Variants in PRSS41 observed in about 807,000 individuals in gnomAD.
PRSS41 encodes serine protease 41, also known as protease, serine 41.
Under a neutral mutation model 28.8 loss-of-function variants are expected in PRSS41, and 37 were observed. The observed-to-expected ratio is 1.29, with a 90% CI of 0.99 to 1.69. The LOEUF (loss-of-function observed/expected upper bound fraction) is 1.69, where lower values mean the gene tolerates loss of function less well. PRSS41 is among the 40% of genes most tolerant of loss of function. The pLI is 0.00. For missense variants in PRSS41, 431 were observed against 400.7 expected, an observed-to-expected ratio of 1.08 and a Z score of -0.65; for synonymous variants, 195 against 163.1, an observed-to-expected ratio of 1.20 and a Z score of -1.49.
chr16:2,804,318 C>T (rs1269402301), intron 4 of PRSS41, 71 bp from the exon 5 acceptor site: 9 of 1,513,860 alleles, frequency 5.9e-6, no homozygotes, highest in African/African-American at 5.5e-5. Context: ...AACACATGCC[C>T]TTTCTCCTCT....
At chr16:2,803,955 C>T (rs888040970) in intron 4 of PRSS41, among the ~76,000 whole-genome samples, 2 of 151,958 alleles carry the variant, frequency 1.3e-5, no homozygotes, top group East Asian at 3.8e-4. Context: ...TTGTGTTTAT[C>T]CTGTGGAATT....
chr16:2,799,506 T>G, exon 4 of PRSS41: 1 of 1,551,956 alleles, frequency 6.4e-7, no homozygotes, highest in Non-Finnish European at 8.7e-7. Flanking sequence ...GTCTTCCACC[T>G]TCAACTTCGT....
At position 2,804,397 on chromosome 16, in the gene PRSS41, C is replaced by T. The variant is rs553088527; in HGVS notation, c.550C>T (p.Pro184Ser). 6 of 1,551,502 alleles carry T rather than the reference C, an allele frequency of 3.9e-6. No homozygotes were observed. The East Asian group carries it at 1.5e-4, about 38-fold the overall frequency. ...TTCTGTCCTATCTCCAGCACCTCTG[C>T]CACCTCCTTACAACCTCCGGGAAGC... Residue 184 changes from proline (P) to serine (S), a missense_variant, in exon 5 of 6, where the codon CCA (proline) becomes TCA (serine). Physicochemically the swap from Pro to Ser is moderately conservative, Grantham distance 74. Transcript: ENST00000399677.
chr16:2,803,437 C>T (rs913324956), intron 4 of PRSS41, among the ~76,000 whole-genome samples: 2 of 152,102 alleles, frequency 1.3e-5, no homozygotes, highest in Non-Finnish European at 2.9e-5. Flanking sequence ...TAAAAAAAAT[C>T]TCTGTTCCTA....
Position 2,798,943 on chromosome 16 carries a change from C to T in PRSS41, c.92-16C>T, listed in dbSNP as rs142102839. On this transcript the variant is annotated splice_polypyrimidine_tract_variant and intron_variant, in intron 2 of 5. Coordinates refer to ENST00000399677, the Ensembl canonical transcript of PRSS41. The stretch of plus-strand genomic sequence containing the variant: ...CCCCACCCGGCAGCTCAGCCGCGTC[C>T]GTCTGTCCATCCCAGAGGCCTGCGG... The T allele has an allele frequency of 0.021, 31,919 of 1,529,740 alleles. 395 individuals are homozygous for T. The highest frequency in any genetic ancestry group is 0.057 in the Middle Eastern group (247 of 4,336). 94.8% of individuals were successfully genotyped at this position (1,529,740 alleles called of 1,614,324 possible). A position where few individuals can be genotyped will look rare whatever the true frequency, so the allele number is the denominator to read the frequency against.
chr16:2,805,275 G>A (rs769173098), exon 6 of PRSS41: 20 of 648,382 alleles, frequency 3.1e-5, no homozygotes, highest in Non-Finnish European at 3.7e-5. Flanking sequence ...CTTTTGTCTC[G>A]TTTGCTAATA....
chr16:2,804,550 A>G lies in PRSS41; in HGVS notation c.699+4A>G. The G allele has an allele frequency of 6.5e-7, 1 of 1,550,312 alleles. No homozygotes were observed. Reference sequence around the variant, plus strand: ...TGGCAGTGTAGACACCTGCAAAGTGAGTGCCTCTACCCCACCAGGGAATCC... The same window carrying G: ...TGGCAGTGTAGACACCTGCAAAGTGGGTGCCTCTACCCCACCAGGGAATCC... On this transcript the variant is annotated splice_donor_region_variant and intron_variant, in intron 5 of 5. Coordinates refer to ENST00000399677, the Ensembl canonical transcript of PRSS41.
At chr16:2,802,723 C>T (rs917634722) in intron 4 of PRSS41, among the ~76,000 whole-genome samples, 2 of 152,254 alleles carry the variant, frequency 1.3e-5, no homozygotes, top group African/African-American at 4.8e-5. Flanking sequence ...CCACCAAAAC[C>T]AGTCAGGCAT....
chr16:2,800,190 T>C (rs2068976994), intron 4 of PRSS41, among the ~76,000 whole-genome samples: 1 of 152,186 alleles, frequency 6.6e-6, no homozygotes, highest in African/African-American at 2.4e-5. Context: ...AACACACTGG[T>C]AAGTACTTAT....
Position 2,799,282 on chromosome 16 carries a change from C to T in PRSS41, c.258-4C>T, listed in dbSNP as rs1555468282. The T allele has an allele frequency of 1.3e-6, 2 of 1,551,122 alleles. No homozygotes were observed. Among genetic ancestry groups the T allele is most frequent in the Non-Finnish European group, 1.7e-6 (2 of 1,146,906 alleles). ...GCTCCCCGCCCTCTCTCCTTTTCTG[C>T]TAGGCACTACTATCCCTCCGAGTGG... On this transcript the variant is annotated splice_region_variant and splice_polypyrimidine_tract_variant and intron_variant, in intron 3 of 5. Transcript: ENST00000399677.
chr16:2,803,816 G>A (rs1368660025), intron 4 of PRSS41, among the ~76,000 whole-genome samples: 1 of 152,074 alleles, frequency 6.6e-6, no homozygotes. Flanking sequence ...TAAAATTCTT[G>A]GTTGACTGTT....
chr16:2,801,835 T>A (rs1171710541), intron 4 of PRSS41, among the ~76,000 whole-genome samples: 1 of 148,812 alleles, frequency 6.7e-6, no homozygotes, highest in African/African-American at 2.5e-5. Flanking sequence ...CATCATGGCC[T>A]GTTCTCAATG....
chr16:2,799,515 G>T, exon 4 of PRSS41: 3 of 1,551,838 alleles, frequency 1.9e-6, no homozygotes, highest in Non-Finnish European at 2.6e-6. Context: ...CTTCAACTTC[G>T]TGCACCGGCC....
chr16:2,799,171 A>G (rs1472245798), intron 3 of PRSS41, 47 bp downstream of exon 3: 10 of 1,506,076 alleles, frequency 6.6e-6, no homozygotes, highest in Non-Finnish European at 8.9e-6. Flanking sequence ...AATGGCCTCC[A>G]GGATGAGCAA....
exon 3 of PRSS41, chr16:2,798,994 G>C (rs1374896781): frequency 6.5e-7 from 1 of 1,532,478 alleles, no homozygotes; most frequent in Non-Finnish European, 8.7e-7. Flanking sequence ...CGCGCTGGTG[G>C]CGGGCGGAGT....
chr16:2,800,505 T>A (rs1227868162), intron 4 of PRSS41, among the ~76,000 whole-genome samples: 1 of 138,530 alleles, frequency 7.2e-6, no homozygotes, highest in Admixed American at 8.0e-5. Context: ...ATGGCACCAC[T>A]GCATTCCAGC....
In PRSS41 at chr16:2,798,925, C is replaced by T. The variant is rs945622156; in HGVS notation, c.92-34C>T. The T allele has an allele frequency of 4.9e-5, 74 of 1,514,990 alleles. No individual in the cohort carries two copies. The East Asian group carries it at 1.3e-3, about 27-fold the overall frequency. 93.8% of individuals were successfully genotyped at this position (1,514,990 alleles called of 1,614,324 possible). On this transcript the variant is annotated intron_variant, in intron 2 of 5. Transcript: ENST00000399677. ...GCGGGCCTGCCCACCCCACCCCACCCGGCAGCTCAGCCGCGTCCGTCTGTC... is the reference window on the plus strand; with the variant it reads ...GCGGGCCTGCCCACCCCACCCCACCTGGCAGCTCAGCCGCGTCCGTCTGTC...
intron 3 of PRSS41, 80 bp from the exon 4 acceptor site, chr16:2,799,206 C>T: frequency 2.0e-6 from 3 of 1,518,140 alleles, no homozygotes; most frequent in South Asian, 2.5e-5. Flanking sequence ...GCAGCTTGGC[C>T]TCAGGGACTG....
chr16:2,798,474 G>C, upstream of PRSS41: 1 of 1,476,606 alleles, frequency 6.8e-7, no homozygotes. Context: ...CAGGCCGCGG[G>C]AGAGGAGGCC....
Sources: allele counts gnomAD v4.1 joint callset (sites outside exome capture counted in the v4.1 genomes callset), GRCh38; gene constraint gnomAD v4.1.1; transcripts MANE v1.5; gene names NCBI Gene and HGNC (gene_info 2026-07-23, HGNC 2026-07-21).